Variants in PDE4DIP observed in about 807,000 individuals in gnomAD.
PDE4DIP encodes the protein phosphodiesterase 4D interacting protein.
A neutral mutation model predicts 221.4 loss-of-function variants in PDE4DIP; 59 were observed. The ratio of observed to expected loss-of-function variants is 0.27; its 90% confidence interval spans 0.22 to 0.33. The LOEUF (loss-of-function observed/expected upper bound fraction) is 0.33. Ranked by LOEUF, PDE4DIP falls within the 10% of genes least tolerant of loss-of-function variation. The pLI, the probability that PDE4DIP is intolerant of heterozygous loss-of-function variation, is 1.00. For missense variants in PDE4DIP, 1,036 were observed against 2,154.2 expected (o/e 0.48, Z 10.28); for synonymous variants, 404 against 815.9 (o/e 0.50, Z 8.60).
intron 38 of PDE4DIP, among the ~76,000 whole-genome samples, chr1:149,025,367 G>A (rs1553626267): frequency 6.6e-6 from 1 of 151,652 alleles, no homozygotes; most frequent in African/African-American, 2.4e-5. Context: ...ATGGTAAAAT[G>A]TTCCTGCCCC....
intron 5 of PDE4DIP, chr1:148,952,499 T>TG: frequency 1.7e-6 from 2 of 1,153,778 alleles, no homozygotes; most frequent in Non-Finnish European, 2.1e-6. Context: ...GGGAGAGACA[T>TG]GGCAGGGTCG....
chr1:149,030,163 T>A, intron 42 of PDE4DIP, 69 bp from the exon 46 acceptor site: 1 of 1,298,548 alleles, frequency 7.7e-7, no homozygotes. Flanking sequence ...TTTAGAATTC[T>A]CATGCTAAGC....
At chr1:148,963,024 C>G (rs587653762) in intron 9 of PDE4DIP, among the ~76,000 whole-genome samples, 22 of 152,248 alleles carry the variant, frequency 1.4e-4, no homozygotes, top group African/African-American at 5.3e-4. Context: ...TCCAGAGTAG[C>G]TGGGACTACA....
At chr1:148,949,922 T>C (rs1553486253) in intron 5 of PDE4DIP, among the ~76,000 whole-genome samples, 5 of 150,766 alleles carry the variant, frequency 3.3e-5, no homozygotes, top group Non-Finnish European at 1.5e-5. Context: ...TATAGCTTTC[T>C]TAGTATATTG....
chr1:149,016,441 G>A lies in PDE4DIP; in HGVS notation c.5409G>A (p.Gly1803=), dbSNP rs143972846. ...AACTGGGAAGAATCCTAGAGCCTGG[G>A]TACCTGGGCAGCAGTGGCAAGTGGG... is the stretch of plus-strand genomic sequence containing the variant. The change falls in exon 33 of 44, where the codon GGG becomes GGA. Residue 1803 remains glycine, a synonymous_variant. Transcript: ENST00000369354. 2.8e-6 allele frequency: 3 copies of A among 1,056,724 alleles called. No homozygotes were observed. The African/African-American group carries it at 5.1e-5, about 18-fold the overall frequency. 65.5% of individuals were successfully genotyped at this position (1,056,724 alleles called of 1,614,324 possible).
chr1:148,985,559 A>C (rs1334465548), intron 21 of PDE4DIP: 9 of 152,178 alleles, frequency 5.9e-5, no homozygotes, highest in African/African-American at 1.7e-4. Context: ...CAATTTTCTA[A>C]ATAAAAAATA....
chr1:148,923,690 G>A (rs1193058152), intron 1 of PDE4DIP, among the ~76,000 whole-genome samples: 9 of 144,982 alleles, frequency 6.2e-5, no homozygotes, highest in Non-Finnish European at 1.4e-4. Context: ...AGGCAGGATG[G>A]TCTCGATCTC....
chr1:148,822,608 C>T (rs6665196), intron 1 of PDE4DIP, among the ~76,000 whole-genome samples: 35 of 149,698 alleles, frequency 2.3e-4, no homozygotes, highest in Non-Finnish European at 4.6e-4. Flanking sequence ...CCCTAGGACA[C>T]TTTAACCTCT....
At chr1:149,028,634 T>G in exon 41 of PDE4DIP, 1 of 1,603,028 alleles carries the variant, frequency 6.2e-7, no homozygotes, top group Non-Finnish European at 8.5e-7. Context: ...AGGAGTCAGC[T>G]TCCCTCCTCA....
At position 148,875,880 on chromosome 1, in the gene PDE4DIP, C is replaced by T. The variant is rs1408858369; in HGVS notation, c.441+7258C>T. ...GGCAGAGGTTGCAGTAAGCCGAGAT[C>T]GAGCCACTGCACTCCAGCCTGGGCG... On this transcript the variant is annotated intron_variant, in intron 3 of 45. Transcript: ENST00000524974. 8.5e-4 allele frequency among the ~76,000 whole-genome samples: 130 copies of T among 152,336 alleles called. No homozygotes were observed. In the Middle Eastern group the frequency reaches 0.014, roughly 16 times the overall value.
chr1:148,987,479 A>G (rs1467136073), intron 21 of PDE4DIP, among the ~76,000 whole-genome samples: 1 of 152,186 alleles, frequency 6.6e-6, no homozygotes. Context: ...AACGCATGGC[A>G]GTGTACCTGG....
In PDE4DIP at chr1:149,032,526, G is replaced by A. The variant is rs1309337708; in HGVS notation, c.*541G>A. On this transcript the variant is annotated 3_prime_UTR_variant, in exon 44 of 44. Transcript: ENST00000369354. Reference sequence around the variant, plus strand: ...GATCCACACCTGACCCTGTTGGGTCGAGTCAGGCTGGGCCTTGGTCTGCAC... The same window carrying A: ...GATCCACACCTGACCCTGTTGGGTCAAGTCAGGCTGGGCCTTGGTCTGCAC... 187 of 311,336 alleles carry A rather than the reference G, an allele frequency of 6.0e-4. 1 individual carries two copies. The highest frequency in any genetic ancestry group is 2.8e-3 in the Middle Eastern group (3 of 1,086). 19.3% of individuals were successfully genotyped at this position (311,336 alleles called of 1,614,324 possible). A position where few individuals can be genotyped will look rare whatever the true frequency, so the allele number is the denominator to read the frequency against.
intron 4 of PDE4DIP, among the ~76,000 whole-genome samples, chr1:148,935,329 G>A (rs1340581949): frequency 7.0e-6 from 1 of 143,088 alleles, no homozygotes; most frequent in Non-Finnish European, 1.5e-5. Context: ...GCACATAGAT[G>A]ATCAATAAGT....
intron 22 of PDE4DIP, among the ~76,000 whole-genome samples, chr1:148,994,976 C>T (rs1251264099): frequency 6.6e-6 from 1 of 152,182 alleles, no homozygotes; most frequent in Admixed American, 6.5e-5. Flanking sequence ...AGCTCTCCCC[C>T]AACATTTTAA....
chr1:149,014,978 TTG>T, intron 32 of PDE4DIP, among the ~76,000 whole-genome samples: 1 of 151,318 alleles, frequency 6.6e-6, no homozygotes, highest in East Asian at 1.9e-4. Context: ...TCCCTTTGCC[TTG>T]TGTTCGGATG....
At chr1:148,990,263 A>G (rs1437971695) in intron 21 of PDE4DIP, 2 of 983,468 alleles carry the variant, frequency 2.0e-6, no homozygotes, top group East Asian at 2.3e-4. Context: ...TAAAGCTGCC[A>G]TAATGGAAGA....
intron 1 of PDE4DIP, among the ~76,000 whole-genome samples, chr1:148,857,056 A>G: frequency 1.2e-5 from 1 of 81,938 alleles, no homozygotes; most frequent in Non-Finnish European, 2.3e-5. Context: ...AAACTTCAGC[A>G]GTCTTGCTGT....
intron 21 of PDE4DIP, chr1:148,985,341 T>C (rs1433650146): frequency 1.3e-5 from 2 of 152,020 alleles, no homozygotes; most frequent in Admixed American, 1.3e-4. Flanking sequence ...ATTTCAGTTA[T>C]AATGTTTTTT....
chr1:149,024,230 G>T (rs2074333596), intron 37 of PDE4DIP: 2 of 521,220 alleles, frequency 3.8e-6, no homozygotes, highest in African/African-American at 1.9e-5. Context: ...GTGCATGTGT[G>T]TAACTTAAGC....
Sources: gnomAD v4.1 joint callset for allele counts (sites outside exome capture counted in the v4.1 genomes callset) on GRCh38, gnomAD v4.1.1 for gene constraint, MANE v1.5 for transcripts, NCBI Gene and HGNC (gene_info 2026-07-23, HGNC 2026-07-21) for gene names.